The following RTN4RL1 variants were observed in gnomAD, a reference collection of about 807,000 sequenced individuals.
RTN4RL1 encodes reticulon-4 receptor-like 1.
A neutral mutation model predicts 25.6 loss-of-function variants in RTN4RL1; 7 were observed. The ratio of observed to expected loss-of-function variants is 0.27; its 90% CI spans 0.16 to 0.51. The LOEUF is 0.51. RTN4RL1 is among the 20% of genes least tolerant of loss of function. The pLI is 0.97. For missense variants in RTN4RL1, 500 were observed against 615.6 expected, an observed-to-expected ratio of 0.81 and a Z score of 1.99; for synonymous variants, 297 against 288.2, an observed-to-expected ratio of 1.03 and a Z score of -0.31.
In RTN4RL1 at chr17:1,994,044, C is replaced by T. The variant is rs1463980595; in HGVS notation, c.13+30809G>A. On this transcript the variant is annotated intron_variant, in intron 1 of 1. Transcript: ENST00000331238. The surrounding 1 kb of genome is among the most constrained non-coding windows in gnomAD (Gnocchi z 4.3). Reference sequence around the variant, plus strand: ...GAAAAACAAAGCCCCCCAGTCCCCACCCCCGGCTACGCTGAACCACCCCGT... The same window carrying T: ...GAAAAACAAAGCCCCCCAGTCCCCATCCCCGGCTACGCTGAACCACCCCGT... Among the ~76,000 whole-genome samples the T allele has an allele frequency of 6.6e-6, 1 of 152,080 alleles. No homozygotes were observed. Among genetic ancestry groups the T allele is most frequent in the East Asian group, 1.9e-4 (1 of 5,198 alleles).
chr17:1,999,094 T>TCACACACA (rs59609042), intron 1 of RTN4RL1, among the ~76,000 whole-genome samples: 4,632 of 147,322 alleles, frequency 0.031, 99 homozygotes, highest in Middle Eastern at 0.076. Flanking sequence ...ACATGCGCGA[T>TCACACACA]CACACACACA....
chr17:1,973,357 C>T (rs1447518274), intron 1 of RTN4RL1, among the ~76,000 whole-genome samples: 1 of 134,486 alleles, frequency 7.4e-6, no homozygotes, highest in East Asian at 2.1e-4. Context: ...TAGTGTGAGA[C>T]ACTGTCTTAA....
At chr17:1,975,338 A>C (rs1398350100) in intron 1 of RTN4RL1, among the ~76,000 whole-genome samples, 1 of 152,172 alleles carries the variant, frequency 6.6e-6, no homozygotes, top group Non-Finnish European at 1.5e-5. Context: ...GAGACTCTGC[A>C]GTTCAGAGCA....
chr17:1,995,185 G>A (rs1393646476), intron 1 of RTN4RL1, among the ~76,000 whole-genome samples: 1 of 152,142 alleles, frequency 6.6e-6, no homozygotes, highest in Non-Finnish European at 1.5e-5. Context: ...GGAGGCCAAG[G>A]GAGGCCAAGG....
intron 1 of RTN4RL1, among the ~76,000 whole-genome samples, chr17:2,023,352 C>A (rs2151333012): frequency 6.6e-6 from 1 of 152,306 alleles, no homozygotes; most frequent in Middle Eastern, 3.4e-3. Context: ...AAAGGAGAAC[C>A]TGGGGTGTGT....
At chr17:1,966,448 T>C (rs1301353674) in intron 1 of RTN4RL1, among the ~76,000 whole-genome samples, 3 of 152,126 alleles carry the variant, frequency 2.0e-5, no homozygotes, top group African/African-American at 7.2e-5. Flanking sequence ...AGGAAAAGCA[T>C]TCCCTGAGGG....
chr17:1,973,963 C>T (rs1326005868), intron 1 of RTN4RL1, among the ~76,000 whole-genome samples: 2 of 145,878 alleles, frequency 1.4e-5, no homozygotes, highest in African/African-American at 5.1e-5. Flanking sequence ...AGCTTGAACC[C>T]ATGAAGCGGA....
chr17:1,945,088 C>T (rs556537877), intron 1 of RTN4RL1, among the ~76,000 whole-genome samples: 3 of 152,294 alleles, frequency 2.0e-5, no homozygotes, highest in South Asian at 2.1e-4. Context: ...GCCTTTTGCA[C>T]GTGCTGTTCC....
At chr17:1,939,230 G>C (rs1032886311) in intron 1 of RTN4RL1, among the ~76,000 whole-genome samples, 2 of 150,572 alleles carry the variant, frequency 1.3e-5, no homozygotes, top group African/African-American at 4.9e-5. Context: ...GCGCGCACTT[G>C]TAGTCCCAGC....
Position 1,961,959 on chromosome 17 carries a change from A to C in RTN4RL1, c.14-24151T>G, listed in dbSNP as rs1167239485. ...CGAGACTCTGCCTCAAAAAAAAAAAAGAAAAGAAAAGAAAGAAAAGAAAGA... is the reference window on the plus strand; with the variant it reads ...CGAGACTCTGCCTCAAAAAAAAAAACGAAAAGAAAAGAAAGAAAAGAAAGA... On this transcript the variant is annotated intron_variant, in intron 1 of 1. Transcript: ENST00000331238. 4.1e-5 allele frequency among the ~76,000 whole-genome samples: 6 copies of C among 147,802 alleles called. No homozygotes were observed. The South Asian group carries it at 1.3e-3, about 31-fold the overall frequency.
intron 1 of RTN4RL1, among the ~76,000 whole-genome samples, chr17:2,005,921 C>A (rs1009217685): frequency 6.6e-6 from 1 of 151,132 alleles, no homozygotes; most frequent in Non-Finnish European, 1.5e-5. Context: ...CTCAGCCTCC[C>A]GAGTACCTGG....
At position 1,961,773 on chromosome 17, in the gene RTN4RL1, C is replaced by CAAAAAAAAAAAAAAAAAAAAAAAAA. The variant is rs1163170575; in HGVS notation, c.14-23990_14-23966dup. 3.6e-5 allele frequency among the ~76,000 whole-genome samples: 2 copies of CAAAAAAAAAAAAAAAAAAAAAAAAA among 55,578 alleles called. 1 individual carries two copies. The highest frequency in any genetic ancestry group is 6.6e-5 in the Non-Finnish European group (2 of 30,150). The allele number at this position is 55,578 out of a possible 152,430, so 36.5% of individuals were successfully genotyped here. On this transcript the variant is annotated intron_variant, in intron 1 of 1. Coordinates refer to ENST00000331238, the MANE Select transcript of RTN4RL1 (RefSeq NM_178568.4). ...TGAAACCCTGTCTCCACTAAAAATA[C>CAAAAAAAAAAAAAAAAAAAAAAAAA]AAAAAAAAAAAAAAAAAAAAAAAAA...
chr17:1,939,177 C>A (rs1390721537), intron 1 of RTN4RL1, among the ~76,000 whole-genome samples: 1 of 151,798 alleles, frequency 6.6e-6, no homozygotes, highest in Non-Finnish European at 1.5e-5. Flanking sequence ...ACGGCGAAAC[C>A]CCGTCTCTAC....
intron 1 of RTN4RL1, among the ~76,000 whole-genome samples, chr17:1,967,171 C>G (rs2066795300): frequency 6.7e-6 from 1 of 149,158 alleles, no homozygotes; most frequent in Non-Finnish European, 1.5e-5. Context: ...AGAGGGGGCC[C>G]TGGGTTATCA....
chr17:1,991,752 C>T (rs1436200772), intron 1 of RTN4RL1, among the ~76,000 whole-genome samples: 2 of 152,176 alleles, frequency 1.3e-5, no homozygotes, highest in Non-Finnish European at 2.9e-5. Context: ...TCCCATCGCA[C>T]GGGGGTGTTG....
rs577906643 is a variant in RTN4RL1, at chr17:1,951,328, C to T, written c.14-13520G>A. Reference sequence around the variant, plus strand: ...AAACAAACAGGATTGAGGCTTTTCGCGACACAATGCTTTTGTGGAGGGGAA... The same window carrying T: ...AAACAAACAGGATTGAGGCTTTTCGTGACACAATGCTTTTGTGGAGGGGAA... On this transcript the variant is annotated intron_variant, in intron 1 of 1. Coordinates refer to ENST00000331238, the MANE Select transcript of RTN4RL1 (RefSeq NM_178568.4). 1.8e-4 allele frequency among the ~76,000 whole-genome samples: 27 copies of T among 152,078 alleles called. No homozygotes were observed. The South Asian group carries it at 3.7e-3, about 21-fold the overall frequency.
intron 1 of RTN4RL1, among the ~76,000 whole-genome samples, chr17:1,997,035 C>T (rs2066932601): frequency 6.6e-6 from 1 of 152,250 alleles, no homozygotes; most frequent in Non-Finnish European, 1.5e-5. Flanking sequence ...ACCTGGCCTC[C>T]CCGCCTTCCC....
In RTN4RL1 at chr17:2,024,891, G is replaced by C. The variant is rs1449021126; in HGVS notation, c.-26C>G. ...GTTGGCCACGGGGCCGCCGCTCCGAGGTCGGCCTAGGCGCACTCCCTCCCG... is the reference window on the plus strand; with the variant it reads ...GTTGGCCACGGGGCCGCCGCTCCGACGTCGGCCTAGGCGCACTCCCTCCCG... On this transcript the variant is annotated 5_prime_UTR_variant, in exon 1 of 2. Coordinates refer to ENST00000331238, the MANE Select transcript of RTN4RL1 (RefSeq NM_178568.4). 3.2e-6 allele frequency: 5 copies of C among 1,582,142 alleles called. No individual in the cohort carries two copies. The highest frequency in any genetic ancestry group is 4.3e-6 in the Non-Finnish European group (5 of 1,164,982).
chr17:1,935,991 C>A lies in RTN4RL1; in HGVS notation c.*505G>T. 1.0e-6 allele frequency: 1 copy of A among 987,180 alleles called. No individual in the cohort carries two copies. The highest frequency in any genetic ancestry group is 1.2e-6 in the Non-Finnish European group (1 of 831,004). The allele number at this position is 987,180 out of a possible 1,614,324, so 61.2% of individuals were successfully genotyped here. A position where few individuals can be genotyped will look rare whatever the true frequency, so the allele number is the denominator to read the frequency against. ...AGGTGGAGTAGGATAGAATTCAGGG[C>A]AGGGTGACTGGCCTCAGGCAAGAGC... On this transcript the variant is annotated 3_prime_UTR_variant, in exon 2 of 2. Transcript: ENST00000331238.
Sources: gnomAD v4.1 joint callset for allele counts (sites outside exome capture counted in the v4.1 genomes callset) on GRCh38, gnomAD v4.1.1 for gene constraint, Gnocchi (gnomAD v3.1) non-coding constraint, MANE v1.5 for transcripts, NCBI Gene and HGNC (gene_info 2026-07-23, HGNC 2026-07-21) for gene names.